EPM2A: variants seen among roughly 807,000 people sequenced by gnomAD.
EPM2A encodes the protein laforin.
In EPM2A, 21 loss-of-function variants were observed where a neutral mutation model predicts 26.5. That is an observed-to-expected ratio of 0.79 (90% CI 0.56 to 1.14). The LOEUF (loss-of-function observed/expected upper bound fraction) is 1.14. Among genes scored for constraint, EPM2A ranks in the 50% most tolerant of loss-of-function variants. The pLI, the probability that EPM2A is intolerant of heterozygous loss-of-function variation, is 0.00. For missense variants in EPM2A, 458 were observed against 440.8 expected (o/e 1.04, Z -0.35); for synonymous variants, 217 against 177.6 (o/e 1.22, Z -1.76).
chr6:145,389,318 T>C (rs1686655330), intron 4 of EPM2A, among the ~76,000 whole-genome samples: 2 of 151,936 alleles, frequency 1.3e-5, no homozygotes, highest in Middle Eastern at 3.4e-3. Flanking sequence ...GCCACCTAAG[T>C]AGTTGGGATT....
chr6:145,575,702 G>A (rs908641393), intron 2 of EPM2A, among the ~76,000 whole-genome samples: 2 of 152,114 alleles, frequency 1.3e-5, no homozygotes, highest in Non-Finnish European at 2.9e-5. Context: ...AGTGTCAAAT[G>A]CATTTATTTC....
chr6:145,564,127 G>A (rs1780847056), intron 2 of EPM2A, among the ~76,000 whole-genome samples: 1 of 152,278 alleles, frequency 6.6e-6, no homozygotes, highest in African/African-American at 2.4e-5. Context: ...CAAGAAAAAT[G>A]TCTGTACCTG....
chr6:145,717,174 T>A (rs1244864306), intron 1 of EPM2A, among the ~76,000 whole-genome samples: 1 of 152,080 alleles, frequency 6.6e-6, no homozygotes, highest in Non-Finnish European at 1.5e-5. Context: ...AAAAAGAGAA[T>A]TTTAGACCAA....
chr6:145,604,986 A>G (rs1319815463), intron 2 of EPM2A, among the ~76,000 whole-genome samples: 2 of 152,288 alleles, frequency 1.3e-5, no homozygotes, highest in South Asian at 4.1e-4. Context: ...GGGACCATGA[A>G]GCTTTAAAGA....
At chr6:145,512,946 C>A (rs1271542001) in intron 2 of EPM2A, among the ~76,000 whole-genome samples, 3 of 151,838 alleles carry the variant, frequency 2.0e-5, no homozygotes, top group Non-Finnish European at 4.4e-5. Flanking sequence ...AACATAAGAC[C>A]TGAAACTATA....
chr6:145,489,087 C>T (rs768704324), intron 4 of EPM2A, among the ~76,000 whole-genome samples: 1 of 152,122 alleles, frequency 6.6e-6, no homozygotes, highest in African/African-American at 2.4e-5. Context: ...GCCACCACCC[C>T]TCTCTCTGTT....
intron 4 of EPM2A, among the ~76,000 whole-genome samples, chr6:145,404,631 C>G (rs546932767): frequency 3.9e-5 from 6 of 152,034 alleles, no homozygotes; most frequent in Non-Finnish European, 8.8e-5. Context: ...TAAATTAACA[C>G]CAAAGCTTCC....
intron 4 of EPM2A, chr6:145,490,275 G>A: frequency 6.9e-7 from 1 of 1,442,360 alleles, no homozygotes; most frequent in Non-Finnish European, 9.4e-7. Flanking sequence ...CACCCAGTGT[G>A]TATTACCAAG....
intron 4 of EPM2A, among the ~76,000 whole-genome samples, chr6:145,420,893 A>C (rs548813067): frequency 1.3e-5 from 2 of 152,116 alleles, no homozygotes; most frequent in South Asian, 4.2e-4. Flanking sequence ...TTAGAAACGC[A>C]CTCCCAAGAT....
intron 4 of EPM2A, among the ~76,000 whole-genome samples, chr6:145,389,198 T>C (rs1054825868): frequency 6.7e-6 from 1 of 149,982 alleles, no homozygotes; most frequent in Non-Finnish European, 1.5e-5. Flanking sequence ...ATTCATCATC[T>C]TTTTTTCTTT....
At chr6:145,406,815 A>G (rs11754523) in intron 4 of EPM2A, among the ~76,000 whole-genome samples, 48,603 of 152,144 alleles carry the variant, frequency 0.32, 9,478 homozygotes, top group Admixed American at 0.45. Context: ...CTGGGAAGTC[A>G]TTAGAAATGC....
chr6:145,529,182 A>C (rs1445532413), intron 2 of EPM2A, among the ~76,000 whole-genome samples: 2 of 152,192 alleles, frequency 1.3e-5, no homozygotes, highest in African/African-American at 4.8e-5. Flanking sequence ...AACATTGTTG[A>C]AATGACAAGA....
At chr6:145,570,247 C>T (rs1780937190) in intron 2 of EPM2A, among the ~76,000 whole-genome samples, 1 of 152,138 alleles carries the variant, frequency 6.6e-6, no homozygotes, top group Non-Finnish European at 1.5e-5. Context: ...TCAGTATTAA[C>T]CATCACAAGT....
At chr6:145,470,556 CT>C (rs1056812674) in intron 4 of EPM2A, among the ~76,000 whole-genome samples, 1 of 152,058 alleles carries the variant, frequency 6.6e-6, no homozygotes, top group African/African-American at 2.4e-5. Flanking sequence ...ACACTTTTGA[CT>C]GTGTCTAGTT....
intron 2 of EPM2A, among the ~76,000 whole-genome samples, chr6:145,589,184 G>A (rs138943751): frequency 6.6e-6 from 1 of 152,162 alleles, no homozygotes; most frequent in South Asian, 2.1e-4. Context: ...TGGAATGTCT[G>A]AGCCATCTGG....
chr6:145,554,459 G>GGTAGATAGATAGATAC (rs1780698524), intron 2 of EPM2A, among the ~76,000 whole-genome samples: 1 of 151,494 alleles, frequency 6.6e-6, no homozygotes, highest in Non-Finnish European at 1.5e-5. Context: ...TAGATAGATA[G>GGTAGATAGATAGATAC]ATAGATAGAT....
At chr6:145,567,468 C>A (rs1780899010) in intron 2 of EPM2A, among the ~76,000 whole-genome samples, 2 of 152,166 alleles carry the variant, frequency 1.3e-5, no homozygotes, top group African/African-American at 2.4e-5. Context: ...AGCTTCATCA[C>A]CTGGAACATG....
At position 145,490,864 on chromosome 6, in the gene EPM2A, TTGA is replaced by T. The variant is rs1779745783; in HGVS notation, c.555+11655_555+11657del. On this transcript the variant is annotated intron_variant, in intron 4 of 4. Coordinates refer to the EPM2A transcript ENST00000638717. ...CTTTAATCTGCCCTTTTCTGTCACT[TTGA>T]TGATACTTGCTGGTAATATCTGCCA... 5.7e-5 allele frequency: 38 copies of T among 672,054 alleles called. 2 individuals carry two copies. The highest frequency in any genetic ancestry group is 5.0e-4 in the South Asian group (37 of 74,048). The allele number at this position is 672,054 out of a possible 1,614,324, so 41.6% of individuals were successfully genotyped here.
intron 2 of EPM2A, among the ~76,000 whole-genome samples, chr6:145,575,657 C>T (rs552171110): frequency 6.6e-6 from 1 of 152,296 alleles, no homozygotes; most frequent in Non-Finnish European, 1.5e-5. Flanking sequence ...TATAGAGTCA[C>T]TAAACTCCTT....
Sources: allele counts gnomAD v4.1 joint callset (sites outside exome capture counted in the v4.1 genomes callset), GRCh38; gene constraint gnomAD v4.1.1; transcripts MANE v1.5; gene names NCBI Gene and HGNC (gene_info 2026-07-23, HGNC 2026-07-21).